Variants in COL5A1 observed in about 807,000 individuals in gnomAD.
COL5A1 encodes collagen alpha-1(V) chain.
COL5A1 carries 16 observed loss-of-function variants against 263.7 expected under a neutral mutation model. The observed-to-expected ratio is 0.06, with a 90% CI of 0.04 to 0.09. The LOEUF (loss-of-function observed/expected upper bound fraction) is 0.09. Ranked by LOEUF, COL5A1 falls within the 10% of genes least tolerant of loss-of-function variation. COL5A1 has a pLI of 1.00. For synonymous variants in COL5A1, 1,012 were observed against 1,004.5 expected (o/e 1.01, Z -0.14); for missense variants, 2,036 against 2,540.5 (o/e 0.80, Z 4.27).
At chr9:134,832,567 C>T (rs768734361) in intron 64 of COL5A1, among the ~76,000 whole-genome samples, 1 of 152,192 alleles carries the variant, frequency 6.6e-6, no homozygotes, top group Non-Finnish European at 1.5e-5. Context: ...GTGCCCCATG[C>T]CCCGGGCCCC....
At position 134,745,378 on chromosome 9, in the gene COL5A1, G is replaced by A. The variant is rs142631119; in HGVS notation, c.1495-5164G>A. On this transcript the variant is annotated intron_variant, in intron 11 of 65. Transcript: ENST00000371817. ...AGTGCACTATGCTGTAGGACCCCAT[G>A]CAGGGTCTGCCAGGGTGTTCATCAC... is the stretch of plus-strand genomic sequence containing the variant. 5.9e-3 allele frequency among the ~76,000 whole-genome samples: 900 copies of A among 152,090 alleles called. 9 individuals carry two copies. The highest frequency in any genetic ancestry group is 0.021 in the African/African-American group (866 of 41,366).
chr9:134,753,777 G>GGC, intron 14 of COL5A1, 73 bp from the exon 15 acceptor site: 1 of 622,722 alleles, frequency 1.6e-6, no homozygotes, highest in Non-Finnish European at 2.8e-6. Flanking sequence ...CCCCTCCCCT[G>GGC]CCACCCCCAG....
chr9:134,661,467 C>T (rs1316709856), intron 1 of COL5A1, among the ~76,000 whole-genome samples: 2 of 151,854 alleles, frequency 1.3e-5, no homozygotes, highest in African/African-American at 2.4e-5. Flanking sequence ...CCAGCACCAA[C>T]TGCTTTCTGT....
intron 42 of COL5A1, among the ~76,000 whole-genome samples, chr9:134,808,641 C>T (rs1417865803): frequency 6.6e-6 from 1 of 152,192 alleles, no homozygotes; most frequent in African/African-American, 2.4e-5. Flanking sequence ...CATGTGCATG[C>T]ATGCATACCT....
intron 1 of COL5A1, chr9:134,649,386 A>C (rs1350040834): frequency 4.7e-6 from 2 of 422,100 alleles, no homozygotes; most frequent in Admixed American, 6.8e-5. Flanking sequence ...AGCCTGACCC[A>C]CTTTTCTCAA....
intron 14 of COL5A1, among the ~76,000 whole-genome samples, chr9:134,753,585 G>T (rs1485300317): frequency 2.0e-5 from 3 of 152,208 alleles, no homozygotes; most frequent in Non-Finnish European, 4.4e-5. Flanking sequence ...ACATCTCCAG[G>T]AGCTTTGTGG....
rs904361928 is a variant in COL5A1, at chr9:134,688,155, C to T, written c.110-2757C>T. On this transcript the variant is annotated intron_variant, in intron 1 of 65. Transcript: ENST00000371817. ...CTAGGCCTGGGAAAGGTCTGGTGGCCTCTTAAACTTGTTGCAACAGAGATC... is the reference window on the plus strand; with the variant it reads ...CTAGGCCTGGGAAAGGTCTGGTGGCTTCTTAAACTTGTTGCAACAGAGATC... Among the ~76,000 whole-genome samples, 11 of 152,306 alleles carry T rather than the reference C, an allele frequency of 7.2e-5. No homozygotes were observed. The South Asian group carries it at 1.0e-3, about 14-fold the overall frequency.
chr9:134,809,333 C>A (rs374134596), intron 43 of COL5A1, 43 bp downstream of exon 43: 3 of 1,468,612 alleles, frequency 2.0e-6, no homozygotes, highest in Non-Finnish European at 2.8e-6. Context: ...CCTGGCTGGG[C>A]AGACGGGTGT....
chr9:134,668,152 T>C (rs1167972008), intron 1 of COL5A1, among the ~76,000 whole-genome samples: 1 of 152,212 alleles, frequency 6.6e-6, no homozygotes, highest in Non-Finnish European at 1.5e-5. Context: ...CAGAAGATCT[T>C]GTGATCCATG....
intron 2 of COL5A1, 96 bp from the exon 3 acceptor site, chr9:134,699,813 C>T: frequency 8.1e-7 from 1 of 1,233,148 alleles, no homozygotes; most frequent in Non-Finnish European, 1.2e-6. Context: ...AGCACAGCTT[C>T]CCAGGGTCCC....
chr9:134,778,188 G>C (rs1837119989), intron 27 of COL5A1, among the ~76,000 whole-genome samples: 1 of 152,148 alleles, frequency 6.6e-6, no homozygotes. Flanking sequence ...TCAAAACTCT[G>C]GGGGCTTCCA....
chr9:134,787,452 G>A (rs1837503631), intron 31 of COL5A1, among the ~76,000 whole-genome samples: 1 of 152,228 alleles, frequency 6.6e-6, no homozygotes, highest in Non-Finnish European at 1.5e-5. Context: ...ATGGATACAA[G>A]TGTGCATTCA....
intron 11 of COL5A1, among the ~76,000 whole-genome samples, chr9:134,744,875 T>A (rs1251034324): frequency 6.7e-6 from 1 of 148,792 alleles, no homozygotes; most frequent in Non-Finnish European, 1.5e-5. Context: ...ACACATGCAC[T>A]CACACACCTG....
chr9:134,708,769 G>C (rs762947226), intron 4 of COL5A1: 1 of 466,056 alleles, frequency 2.1e-6, no homozygotes, highest in Admixed American at 2.3e-5. Flanking sequence ...GTCACAGCCC[G>C]GTGGCAAACA....
intron 4 of COL5A1, among the ~76,000 whole-genome samples, chr9:134,718,040 G>T (rs1185631785): frequency 2.0e-5 from 3 of 152,218 alleles, no homozygotes; most frequent in Admixed American, 2.0e-4. Flanking sequence ...CTCTAATTTG[G>T]TGAGGTCCAT....
At position 134,818,734 on chromosome 9, in the gene COL5A1, G is replaced by C. The variant is rs1480576498; in HGVS notation, c.4309G>C (p.Asp1437His). ...PQGAPGKPGP[D>H]GLRGIPGPVG... The stretch of plus-strand genomic sequence containing the variant: ...GGGGGCCCCTGGGAAGCCCGGACCG[G>C]ATGGCCTTCGAGGGATCCCTGGCCC... Residue 1437 changes from aspartate (D) to histidine (H), a missense_variant, in exon 55 of 66, where the codon GAT becomes CAT. Asp to His is a moderately conservative substitution (Grantham distance 81). Around this residue, in one of 3 missense-constraint regions of COL5A1, gnomAD observed 1,078 missense variants for 1,521.4 expected, o/e 0.71. Coordinates refer to ENST00000371817, the MANE Select transcript of COL5A1 (RefSeq NM_000093.5). This position sits in a 1 kb window ranked among gnomAD's most constrained non-coding sequence, Gnocchi z 6.0. 1 of 1,611,882 alleles carries C rather than the reference G, an allele frequency of 6.2e-7. No individual in the cohort carries two copies. The highest frequency in any genetic ancestry group is 8.5e-7 in the Non-Finnish European group (1 of 1,179,464).
At chr9:134,834,737 T>A (rs909733059) in intron 64 of COL5A1, among the ~76,000 whole-genome samples, 1 of 150,704 alleles carries the variant, frequency 6.6e-6, no homozygotes, top group Non-Finnish European at 1.5e-5. Flanking sequence ...CCAAGAGAAG[T>A]GGGTGGATTA....
Position 134,813,281 on chromosome 9 carries a change from GCCTGA to G in COL5A1, c.3852+571_3852+575del, listed in dbSNP as rs139368790. On this transcript the variant is annotated intron_variant, in intron 48 of 65. Coordinates refer to ENST00000371817, the MANE Select transcript of COL5A1 (RefSeq NM_000093.5). ...CTGCATGCTGGGTGGGACAGCATTT[GCCTGA>G]CTGCAAAAGCACCTCTCCCAGTTCC... 4.4e-3 allele frequency among the ~76,000 whole-genome samples: 669 copies of G among 152,168 alleles called. 5 individuals carry two copies. The highest frequency in any genetic ancestry group is 0.015 in the African/African-American group (633 of 41,518).
chr9:134,759,712 ACCCCCC>A (rs200903656), intron 18 of COL5A1, among the ~76,000 whole-genome samples: 2 of 55,338 alleles, frequency 3.6e-5, no homozygotes, highest in Non-Finnish European at 3.0e-5. Flanking sequence ...ACATGCACAC[ACCCCCC>A]CACCCCCACA....
Sources: allele counts gnomAD v4.1 joint callset (sites outside exome capture counted in the v4.1 genomes callset), GRCh38; gene constraint gnomAD v4.1.1; regional missense constraint gnomAD v4.1.1; non-coding constraint Gnocchi (gnomAD v3.1); transcripts MANE v1.5; gene names NCBI Gene and HGNC (gene_info 2026-07-23, HGNC 2026-07-21).